The following CDH18 variants were observed in gnomAD, a reference collection of about 807,000 sequenced individuals.
CDH18 encodes cadherin-18.
In CDH18, 31 loss-of-function variants were observed where a neutral mutation model predicts 67.9. The observed-to-expected ratio is 0.46, with a 90% CI of 0.34 to 0.62. CDH18 has a LOEUF of 0.62. Among genes scored for constraint, CDH18 ranks in the 20% least tolerant of loss-of-function variants. The pLI is 0.01. For synonymous variants in CDH18, 362 were observed against 347.2 expected (o/e 1.04, Z -0.48); for missense variants, 890 against 975.5 (o/e 0.91, Z 1.17).
At chr5:19,573,514 G>A (rs1458061957) in intron 7 of CDH18, among the ~76,000 whole-genome samples, 2 of 152,026 alleles carry the variant, frequency 1.3e-5, no homozygotes, top group Admixed American at 1.3e-4. Flanking sequence ...TCCTGACCTC[G>A]TGATCCACCC....
intron 1 of CDH18, among the ~76,000 whole-genome samples, chr5:20,565,400 T>G (rs558440646): frequency 6.6e-6 from 1 of 152,264 alleles, no homozygotes; most frequent in African/African-American, 2.4e-5. Flanking sequence ...TTCCTGCTGC[T>G]TACTTGGTAA....
intron 1 of CDH18, among the ~76,000 whole-genome samples, chr5:20,349,270 TA>T (rs1336957602): frequency 1.3e-5 from 2 of 152,168 alleles, no homozygotes; most frequent in African/African-American, 2.4e-5. Flanking sequence ...TTTGGAGATA[TA>T]TTTTTTTTGT....
At chr5:20,251,873 AT>A (rs918664419) in intron 2 of CDH18, among the ~76,000 whole-genome samples, 1 of 152,158 alleles carries the variant, frequency 6.6e-6, no homozygotes, top group South Asian at 2.1e-4. Context: ...AGCACTTGTA[AT>A]TTTTTTCATT....
intron 1 of CDH18, among the ~76,000 whole-genome samples, chr5:20,494,081 C>T (rs1312965865): frequency 6.6e-6 from 1 of 152,028 alleles, no homozygotes; most frequent in Non-Finnish European, 1.5e-5. Context: ...TAACCCCCAT[C>T]TATACTAAAA....
intron 5 of CDH18, among the ~76,000 whole-genome samples, chr5:19,689,357 G>A (rs1761540042): frequency 6.6e-6 from 1 of 151,906 alleles, no homozygotes; most frequent in Non-Finnish European, 1.5e-5. Flanking sequence ...GGCCAGGAGA[G>A]TATAGGATGA....
chr5:19,699,553 GA>G (rs1291666742), intron 5 of CDH18, among the ~76,000 whole-genome samples: 1 of 151,914 alleles, frequency 6.6e-6, no homozygotes, highest in Non-Finnish European at 1.5e-5. Flanking sequence ...TCACGAATGG[GA>G]TCAGTTCTCT....
chr5:19,594,085 T>C (rs1348927966), intron 6 of CDH18, among the ~76,000 whole-genome samples: 1 of 152,132 alleles, frequency 6.6e-6, no homozygotes, highest in East Asian at 1.9e-4. Context: ...TTGTGTATGA[T>C]ATACAAAAAG....
chr5:20,255,497 G>A (rs1321350957), exon 2 of CDH18: 1 of 151,930 alleles, frequency 6.6e-6, no homozygotes, highest in Non-Finnish European at 1.5e-5. Flanking sequence ...ATATTGCTGT[G>A]GTTGAGTCCT....
chr5:20,194,070 C>T (rs1158971654), intron 2 of CDH18, among the ~76,000 whole-genome samples: 8 of 152,058 alleles, frequency 5.3e-5, no homozygotes, highest in Non-Finnish European at 1.2e-4. Context: ...CTCACCACTA[C>T]TATTCAACTT....
At chr5:20,532,805 A>G (rs1446281676) in intron 1 of CDH18, among the ~76,000 whole-genome samples, 5 of 152,104 alleles carry the variant, frequency 3.3e-5, no homozygotes, top group Non-Finnish European at 7.4e-5. Flanking sequence ...TTAGTTAACC[A>G]TAAATAATCT....
At chr5:19,544,139 C>T in intron 8 of CDH18, 134 bp from the exon 9 acceptor site, 1 of 409,888 alleles carries the variant, frequency 2.4e-6, no homozygotes, top group South Asian at 8.5e-5. Context: ...TACATGGCAA[C>T]TTTATATTTT....
intron 5 of CDH18, among the ~76,000 whole-genome samples, chr5:19,674,359 T>C (rs936596343): frequency 1.3e-5 from 2 of 152,100 alleles, no homozygotes; most frequent in African/African-American, 2.4e-5. Flanking sequence ...AGAAAACCTA[T>C]TGGCATTTCT....
chr5:19,903,587 T>G (rs1193288447), intron 2 of CDH18, among the ~76,000 whole-genome samples: 1 of 134,406 alleles, frequency 7.4e-6, no homozygotes, highest in Non-Finnish European at 1.6e-5. Flanking sequence ...TCAGCCCTCA[T>G]GCCAGTCCCT....
At chr5:19,967,785 C>G (rs1403246659) in intron 2 of CDH18, among the ~76,000 whole-genome samples, 1 of 152,068 alleles carries the variant, frequency 6.6e-6, no homozygotes, top group Non-Finnish European at 1.5e-5. Flanking sequence ...TGGCACAAGA[C>G]AGGGATGCCC....
At chr5:19,618,898 T>C (rs1165232370) in intron 5 of CDH18, among the ~76,000 whole-genome samples, 1 of 152,214 alleles carries the variant, frequency 6.6e-6, no homozygotes, top group Non-Finnish European at 1.5e-5. Flanking sequence ...TTAACCATTT[T>C]CTAAATGAAG....
At chr5:20,193,954 A>C (rs1738752017) in intron 2 of CDH18, among the ~76,000 whole-genome samples, 1 of 152,132 alleles carries the variant, frequency 6.6e-6, no homozygotes, top group African/African-American at 2.4e-5. Flanking sequence ...ATATCTCAAA[A>C]TAATAAGAGC....
intron 1 of CDH18, among the ~76,000 whole-genome samples, chr5:20,486,315 C>T (rs73764417): frequency 0.07 from 10,701 of 152,052 alleles, 541 homozygotes; most frequent in African/African-American, 0.15. Context: ...TCTGGTCTTA[C>T]AAATAATGAC....
rs539888715 is a variant in CDH18 at position 19,931,657 on chromosome 5, G to A, written c.-257+49403C>T. Among the ~76,000 whole-genome samples, 14 of 151,850 alleles carry A rather than the reference G, an allele frequency of 9.2e-5. No homozygotes were observed. The South Asian group carries it at 2.9e-3, about 31-fold the overall frequency. On this transcript the variant is annotated intron_variant, in intron 2 of 12. Coordinates refer to ENST00000382275, the MANE Select transcript of CDH18 (RefSeq NM_004934.5). ...ATATTTGTTTATTGGGCAAATGCAT[G>A]AGAAGTGAAAAAAAACTTTTCATAT...
intron 2 of CDH18, among the ~76,000 whole-genome samples, chr5:20,095,204 G>A (rs1438259657): frequency 6.6e-6 from 1 of 151,282 alleles, no homozygotes; most frequent in African/African-American, 2.4e-5. Flanking sequence ...ACCTAATGTA[G>A]ATGACGGGTT....
Sources: gnomAD v4.1 joint callset for allele counts (sites outside exome capture counted in the v4.1 genomes callset) on GRCh38, gnomAD v4.1.1 for gene constraint, MANE v1.5 for transcripts, NCBI Gene and HGNC (gene_info 2026-07-23, HGNC 2026-07-21) for gene names.